AUH: variants seen among roughly 807,000 people sequenced by gnomAD.
AUH encodes AU RNA binding methylglutaconyl-CoA hydratase.
In AUH, 29 loss-of-function variants were observed where a neutral mutation model predicts 42.3. The observed-to-expected ratio is 0.69, with a 90% CI of 0.51 to 0.93. The LOEUF is 0.93. AUH is among the 40% of genes least tolerant of loss of function. The probability of loss-of-function intolerance (pLI) is 0.00; values close to 1 mark genes in which losing one functional copy is unlikely to be tolerated. For synonymous variants in AUH, 174 were observed against 166.4 expected (o/e 1.05, Z -0.35); for missense variants, 452 against 438.1 (o/e 1.03, Z -0.28).
rs375635639 is a variant in AUH at position 91,335,166 on chromosome 9, G to A, written c.419-9762C>T. On this transcript the variant is annotated intron_variant, in intron 3 of 9. Transcript: ENST00000375731. ...AATTATCTGCTCCATGAATGCTTAGGTGTAAATGTAACATTCTTCTGAAGT... is the reference window on the plus strand; with the variant it reads ...AATTATCTGCTCCATGAATGCTTAGATGTAAATGTAACATTCTTCTGAAGT... Among the ~76,000 whole-genome samples the A allele has an allele frequency of 3.9e-5, 6 of 152,160 alleles. No homozygotes were observed. In the East Asian group the frequency reaches 9.6e-4, roughly 24 times the overall value.
chr9:91,229,420 C>G (rs896337145), intron 6 of AUH, among the ~76,000 whole-genome samples: 7 of 148,506 alleles, frequency 4.7e-5, no homozygotes, highest in African/African-American at 1.5e-4. Flanking sequence ...GATCTTCCTC[C>G]ATCCTTTTAT....
chr9:91,216,155 G>T, intron 8 of AUH, 49 bp from the exon 9 acceptor site: 6 of 1,543,002 alleles, frequency 3.9e-6, no homozygotes, highest in Non-Finnish European at 4.5e-6. Flanking sequence ...TTTGCGAAAT[G>T]TGGTATATTC....
intron 3 of AUH, among the ~76,000 whole-genome samples, chr9:91,350,332 C>T (rs1371555938): frequency 6.6e-6 from 1 of 152,168 alleles, no homozygotes; most frequent in Non-Finnish European, 1.5e-5. Flanking sequence ...AAACTCTGTC[C>T]TAACTGTCAA....
intron 6 of AUH, among the ~76,000 whole-genome samples, chr9:91,228,258 A>G (rs1482222934): frequency 6.6e-6 from 1 of 152,214 alleles, no homozygotes; most frequent in East Asian, 1.9e-4. Flanking sequence ...TCAGAGATTC[A>G]ACTTCTTCGT....
intron 6 of AUH, among the ~76,000 whole-genome samples, chr9:91,273,620 C>G (rs778923843): frequency 6.6e-6 from 1 of 152,150 alleles, no homozygotes; most frequent in Non-Finnish European, 1.5e-5. Context: ...AATAAAGGTA[C>G]CAAATTGAAG....
chr9:91,258,304 C>T (rs10991845), intron 6 of AUH, among the ~76,000 whole-genome samples: 10,892 of 151,500 alleles, frequency 0.072, 671 homozygotes, highest in East Asian at 0.26. Context: ...CGTGTGATCT[C>T]GGCTCACTGC....
intron 3 of AUH, among the ~76,000 whole-genome samples, chr9:91,341,366 T>C (rs1339158325): frequency 2.0e-5 from 3 of 152,192 alleles, no homozygotes; most frequent in Non-Finnish European, 4.4e-5. Context: ...TCCCTTGTGG[T>C]AGCAGGTGGG....
At chr9:91,329,864 G>T (rs977383703) in intron 3 of AUH, among the ~76,000 whole-genome samples, 1 of 152,050 alleles carries the variant, frequency 6.6e-6, no homozygotes, top group Non-Finnish European at 1.5e-5. Context: ...ATAATAAAAA[G>T]TAACTGTAAA....
chr9:91,276,097 G>C (rs929320929), intron 6 of AUH, among the ~76,000 whole-genome samples: 5 of 151,772 alleles, frequency 3.3e-5, no homozygotes, highest in African/African-American at 1.2e-4. Flanking sequence ...AAGCTAATGG[G>C]GTACATAATA....
chr9:91,251,060 T>C (rs1201307010), intron 6 of AUH, among the ~76,000 whole-genome samples: 2 of 152,214 alleles, frequency 1.3e-5, no homozygotes, highest in East Asian at 3.8e-4. Flanking sequence ...GGCACCAGCC[T>C]AGGGTCCAGA....
In AUH at chr9:91,296,374, T is replaced by C. The variant is rs7869357; in HGVS notation, c.599-297A>G. 0.02 allele frequency among the ~76,000 whole-genome samples: 3,034 copies of C among 152,200 alleles called. 100 individuals are homozygous for C. Among genetic ancestry groups the C allele is most frequent in the African/African-American group, 0.068 (2,843 of 41,518 alleles). On this transcript the variant is annotated intron_variant, in intron 5 of 9. Transcript: ENST00000375731. The stretch of plus-strand genomic sequence containing the variant: ...TAGACCCAATATTGCCAAGACATAT[T>C]TGGAGGCATAGATCTATTAATTATT...
intron 7 of AUH, 94 bp downstream of exon 7, chr9:91,220,711 G>A: frequency 2.9e-6 from 4 of 1,394,400 alleles, no homozygotes; most frequent in Non-Finnish European, 4.0e-6. Flanking sequence ...GCAAGCCAGG[G>A]ACTTCTTCCA....
chr9:91,216,644 C>G (rs189074782), intron 8 of AUH, among the ~76,000 whole-genome samples: 1 of 152,080 alleles, frequency 6.6e-6, no homozygotes, highest in African/African-American at 2.4e-5. Flanking sequence ...CAGGAAGATG[C>G]GGAGGTTCCT....
At chr9:91,318,487 C>T (rs1444357947) in intron 4 of AUH, among the ~76,000 whole-genome samples, 1 of 152,176 alleles carries the variant, frequency 6.6e-6, no homozygotes, top group Non-Finnish European at 1.5e-5. Context: ...CATGTATTTA[C>T]CTGGATGTTT....
At chr9:91,276,864 CAAGTA>C (rs1312096315) in intron 6 of AUH, among the ~76,000 whole-genome samples, 4 of 152,066 alleles carry the variant, frequency 2.6e-5, no homozygotes, top group African/African-American at 9.7e-5. Context: ...TTTTCTTCCC[CAAGTA>C]AAGAATGTGA....
chr9:91,356,289 G>C (rs1328790739), intron 1 of AUH, 134 bp from the exon 2 acceptor site: 1 of 754,934 alleles, frequency 1.3e-6, no homozygotes. Flanking sequence ...CCCTTCAATC[G>C]ATCTCTTCTT....
At chr9:91,354,450 T>C (rs999281040) in intron 3 of AUH, among the ~76,000 whole-genome samples, 2 of 152,198 alleles carry the variant, frequency 1.3e-5, no homozygotes, top group Non-Finnish European at 2.9e-5. Context: ...GTATATTATT[T>C]GAGGACATTT....
intron 6 of AUH, among the ~76,000 whole-genome samples, chr9:91,249,133 C>T (rs1394942071): frequency 6.6e-6 from 1 of 151,378 alleles, no homozygotes; most frequent in Non-Finnish European, 1.5e-5. Flanking sequence ...CCTGTCTCCA[C>T]AAAAAATACA....
At chr9:91,349,525 A>G (rs1831786451) in intron 3 of AUH, among the ~76,000 whole-genome samples, 1 of 152,254 alleles carries the variant, frequency 6.6e-6, no homozygotes, top group African/African-American at 2.4e-5. Context: ...TCACATTTAC[A>G]TCCAACGCAG....
Sources: gnomAD v4.1 joint callset for allele counts (sites outside exome capture counted in the v4.1 genomes callset) on GRCh38, gnomAD v4.1.1 for gene constraint, MANE v1.5 for transcripts, NCBI Gene and HGNC (gene_info 2026-07-23, HGNC 2026-07-21) for gene names.